Variants in CREBBP observed in about 807,000 individuals in gnomAD.
The protein encoded by CREBBP is CREB-binding protein.
In CREBBP, 19 loss-of-function variants were observed where a neutral mutation model predicts 265.0. The observed-to-expected ratio is 0.07, with a 90% CI of 0.05 to 0.11. The LOEUF is 0.11. CREBBP is among the 10% of genes least tolerant of loss of function. The pLI, the probability that CREBBP is intolerant of heterozygous loss-of-function variation, is 1.00. For missense variants in CREBBP, 2,525 were observed against 3,219.0 expected, an observed-to-expected ratio of 0.78 and a Z score of 5.22; for synonymous variants, 1,457 against 1,223.7, an observed-to-expected ratio of 1.19 and a Z score of -3.98.
At chr16:3,854,488 T>C (rs1304507239) in intron 1 of CREBBP, among the ~76,000 whole-genome samples, 1 of 152,134 alleles carries the variant, frequency 6.6e-6, no homozygotes, top group Non-Finnish European at 1.5e-5. Flanking sequence ...TGTGAGAAAA[T>C]ACACTTACTA....
In CREBBP at chr16:3,880,019, G is replaced by C; in HGVS notation, c.-103C>G. The C allele has an allele frequency of 9.7e-7, 1 of 1,029,680 alleles. No homozygotes were observed. 63.8% of individuals were successfully genotyped at this position (1,029,680 alleles called of 1,614,324 possible). ...CCGGCTGCGAGGGAGAGGAGCGAGC[G>C]CGGGCCGCGAGCGGGCGGGCGGGCG... On this transcript the variant is annotated 5_prime_UTR_variant, in exon 1 of 31. Transcript: ENST00000262367.
At chr16:3,853,109 A>G (rs1465463729) in intron 1 of CREBBP, among the ~76,000 whole-genome samples, 1 of 152,108 alleles carries the variant, frequency 6.6e-6, no homozygotes, top group African/African-American at 2.4e-5. Context: ...TAGGTTACTC[A>G]GCCTTTCTTT....
intron 2 of CREBBP, among the ~76,000 whole-genome samples, chr16:3,813,281 C>A (rs1186251894): frequency 1.3e-5 from 2 of 152,210 alleles, no homozygotes; most frequent in African/African-American, 2.4e-5. Context: ...AGGTGCTCTA[C>A]TTAAGTGAAC....
chr16:3,813,354 TC>T (rs2053974101), intron 2 of CREBBP, among the ~76,000 whole-genome samples: 3 of 152,204 alleles, frequency 2.0e-5, no homozygotes. Flanking sequence ...AATGACTTAA[TC>T]TAGGCAAGAT....
chr16:3,857,717 G>A (rs1033381935), intron 1 of CREBBP, among the ~76,000 whole-genome samples: 6 of 152,280 alleles, frequency 3.9e-5, no homozygotes, highest in Non-Finnish European at 8.8e-5. Context: ...CAGAGCATTT[G>A]CACCTCAAGG....
Position 3,727,131 on chromosome 16 carries a change from T to C in CREBBP, c.*587A>G, listed in dbSNP as rs1022864838. On this transcript the variant is annotated 3_prime_UTR_variant, in exon 31 of 31. Coordinates refer to ENST00000262367, the MANE Select transcript of CREBBP (RefSeq NM_004380.3). ...CAAGTTTGGCTTCAGCCATTATGTA[T>C]AGATAGATGTGTGTGGGTGTGTACG... 9.4e-5 allele frequency: 22 copies of C among 234,750 alleles called. No individual in the cohort carries two copies. Among genetic ancestry groups the C allele is most frequent in the African/African-American group, 4.2e-4 (19 of 45,320 alleles). 14.5% of individuals were successfully genotyped at this position (234,750 alleles called of 1,614,324 possible).
At chr16:3,759,337 C>T (rs1294030646) in intron 16 of CREBBP, among the ~76,000 whole-genome samples, 1 of 152,044 alleles carries the variant, frequency 6.6e-6, no homozygotes, top group East Asian at 1.9e-4. Context: ...ACATGTAATC[C>T]CAGCACTTTG....
chr16:3,827,842 C>T (rs2054268228), intron 2 of CREBBP, among the ~76,000 whole-genome samples: 1 of 152,120 alleles, frequency 6.6e-6, no homozygotes, highest in Non-Finnish European at 1.5e-5. Flanking sequence ...AGGCACGTGC[C>T]ACCACACCCA....
At chr16:3,826,135 C>T (rs1837228703) in intron 2 of CREBBP, among the ~76,000 whole-genome samples, 1 of 152,052 alleles carries the variant, frequency 6.6e-6, no homozygotes, top group Non-Finnish European at 1.5e-5. Context: ...ACTGCTTGTG[C>T]CCCAGAGGCA....
At chr16:3,828,180 C>A (rs1423967257) in intron 2 of CREBBP, among the ~76,000 whole-genome samples, 1 of 152,040 alleles carries the variant, frequency 6.6e-6, no homozygotes, top group Non-Finnish European at 1.5e-5. Context: ...GCAACCTCTG[C>A]CTCCTGGGTT....
chr16:3,777,125 G>A (rs552610654), intron 11 of CREBBP, among the ~76,000 whole-genome samples: 3 of 151,914 alleles, frequency 2.0e-5, no homozygotes, highest in African/African-American at 2.4e-5. Flanking sequence ...GACGGATCAC[G>A]GAGATCAAGA....
At chr16:3,785,319 C>G (rs2053360364) in intron 5 of CREBBP, among the ~76,000 whole-genome samples, 1 of 152,256 alleles carries the variant, frequency 6.6e-6, no homozygotes, top group Admixed American at 6.5e-5. Context: ...GTGACAGACT[C>G]AGTGAGTACA....
chr16:3,779,385 G>A (rs912159548), intron 8 of CREBBP, among the ~76,000 whole-genome samples: 5 of 151,932 alleles, frequency 3.3e-5, no homozygotes, highest in East Asian at 1.9e-4. Context: ...ATGTTGCCCC[G>A]GCTGGCCTGA....
At chr16:3,740,342 C>A (rs2052172196) in intron 24 of CREBBP, 57 bp downstream of exon 24, 2 of 1,607,374 alleles carry the variant, frequency 1.2e-6, no homozygotes, top group Non-Finnish European at 8.5e-7. Flanking sequence ...AGAGCAGGCT[C>A]TGGCAAGCGG....
At position 3,739,744 on chromosome 16, in the gene CREBBP, C is replaced by A. The variant is rs751506589; in HGVS notation, c.4134-20G>T. 1 of 1,614,204 alleles carries A rather than the reference C, an allele frequency of 6.2e-7. No homozygotes were observed. The highest frequency in any genetic ancestry group is 8.5e-7 in the Non-Finnish European group (1 of 1,180,030). On this transcript the variant is annotated intron_variant, in intron 24 of 30. Coordinates refer to ENST00000262367, the MANE Select transcript of CREBBP (RefSeq NM_004380.3). ...ACAAACCTGAAACAAAAGCCAGAGC[C>A]GGACATTTACAAAGGCTGTTGCTGA...
intron 4 of CREBBP, among the ~76,000 whole-genome samples, chr16:3,792,562 C>T (rs749568930): frequency 6.6e-6 from 1 of 152,042 alleles, no homozygotes; most frequent in Non-Finnish European, 1.5e-5. Context: ...AAGAAGTACT[C>T]GAGAGGCTAA....
intron 23 of CREBBP, among the ~76,000 whole-genome samples, chr16:3,744,459 A>G (rs1383709091): frequency 6.6e-6 from 1 of 152,250 alleles, no homozygotes. Context: ...CATCTAAAAC[A>G]TGCGCTGATC....
chr16:3,871,108 AAAG>A (rs933010582), intron 1 of CREBBP, among the ~76,000 whole-genome samples: 21 of 152,058 alleles, frequency 1.4e-4, no homozygotes, highest in African/African-American at 5.1e-4. Flanking sequence ...AAAAAGAAAG[AAAG>A]AAGAGAGAAG....
chr16:3,843,487 C>T (rs145526756), intron 2 of CREBBP, among the ~76,000 whole-genome samples: 240 of 147,010 alleles, frequency 1.6e-3, no homozygotes, highest in Non-Finnish European at 2.7e-3. Flanking sequence ...GTGGTGTGAT[C>T]ATGGCTCACT....
Sources: gnomAD v4.1 joint callset for allele counts (sites outside exome capture counted in the v4.1 genomes callset) on GRCh38, gnomAD v4.1.1 for gene constraint, MANE v1.5 for transcripts, NCBI Gene and HGNC (gene_info 2026-07-23, HGNC 2026-07-21) for gene names.